PRSS55: variants seen among roughly 807,000 people sequenced by gnomAD.
The protein encoded by PRSS55 is probable serine protease UNQ9391/PRO34284.
In PRSS55, 41 loss-of-function variants were observed where a neutral mutation model predicts 23.6. That is an observed-to-expected ratio of 1.74 (90% confidence interval 1.35 to 2.26). The LOEUF (loss-of-function observed/expected upper bound fraction) is 2.26, where lower values mean the gene tolerates loss of function less well. Among genes scored for constraint, PRSS55 ranks in the 30% most tolerant of loss-of-function variants. The probability of loss-of-function intolerance (pLI) is 0.00; values close to 1 mark genes in which losing one functional copy is unlikely to be tolerated. For missense variants in PRSS55, 669 were observed against 439.1 expected (o/e 1.52, Z -4.68); for synonymous variants, 262 against 175.5 (o/e 1.49, Z -3.90).
At chr8:10,551,537 C>G (rs990646801) in intron 4 of PRSS55, among the ~76,000 whole-genome samples, 1 of 152,154 alleles carries the variant, frequency 6.6e-6, no homozygotes, top group Admixed American at 6.5e-5. Context: ...CCCAGCAGAT[C>G]GAGGACCAGC....
At chr8:10,549,302 C>A (rs989678422) in intron 4 of PRSS55, among the ~76,000 whole-genome samples, 7 of 152,200 alleles carry the variant, frequency 4.6e-5, no homozygotes, top group Admixed American at 3.3e-4. Flanking sequence ...GTAATCCAAT[C>A]CCAGAAACTC....
At chr8:10,545,292 G>A (rs1812788674) in intron 4 of PRSS55, 1 of 151,184 alleles carries the variant, frequency 6.6e-6, no homozygotes, top group Non-Finnish European at 1.5e-5. Context: ...CAACCTCCCA[G>A]GCTCAAGTGA....
At chr8:10,552,303 G>T (rs1812969088) in intron 4 of PRSS55, among the ~76,000 whole-genome samples, 1 of 152,208 alleles carries the variant, frequency 6.6e-6, no homozygotes, top group Non-Finnish European at 1.5e-5. Flanking sequence ...CAAAGCTACG[G>T]ATGGCTGGAG....
chr8:10,544,254 C>G (rs1812752942), intron 4 of PRSS55, among the ~76,000 whole-genome samples: 1 of 152,156 alleles, frequency 6.6e-6, no homozygotes, highest in African/African-American at 2.4e-5. Flanking sequence ...ATCATTGACC[C>G]TTTAGTCATT....
intron 4 of PRSS55, among the ~76,000 whole-genome samples, chr8:10,546,665 C>T (rs1335517244): frequency 1.3e-5 from 2 of 152,088 alleles, no homozygotes; most frequent in African/African-American, 4.8e-5. Flanking sequence ...CCCTCTGCTG[C>T]CTCCTCTTGA....
chr8:10,554,005 G>GTCTC lies in PRSS55; in HGVS notation c.805_808dup (p.His270LeufsTer30). On this transcript the variant is annotated frameshift_variant, in exon 5 of 5. Transcript: ENST00000522210. LOFTEE classifies it high-confidence loss of function. ...GAAGCTCTCAAACAAAGCCGCCTGGGTCTCACACCTTTCATCTGCAAAACT... is the reference window on the plus strand; with the variant it reads ...GAAGCTCTCAAACAAAGCCGCCTGGGTCTCTCTCACACCTTTCATCTGCAAAACT... The GTCTC allele has an allele frequency of 6.5e-7, 1 of 1,530,048 alleles. No individual in the cohort carries two copies. Among genetic ancestry groups the GTCTC allele is most frequent in the Non-Finnish European group, 8.7e-7 (1 of 1,144,090 alleles). 94.8% of individuals were successfully genotyped at this position (1,530,048 alleles called of 1,614,324 possible).
Position 10,529,701 on chromosome 8 carries a change from T to A in PRSS55, c.347+2T>A. 1 of 1,610,780 alleles carries A rather than the reference T, an allele frequency of 6.2e-7. No homozygotes were observed. The highest frequency in any genetic ancestry group is 8.5e-7 in the Non-Finnish European group (1 of 1,177,388). On this transcript the variant is annotated splice_donor_variant, in intron 2 of 4. Transcript: ENST00000328655. LOFTEE classifies it high-confidence loss of function. ...CTGCTTATATTCCGAGGAGCTGTTG[T>A]AAGTACCATGGGCCTCCCACTGCCA... is the stretch of plus-strand genomic sequence containing the variant.
chr8:10,530,143 G>A (rs945668446), intron 2 of PRSS55, among the ~76,000 whole-genome samples: 30 of 152,220 alleles, frequency 2.0e-4, no homozygotes, highest in African/African-American at 2.4e-5. Flanking sequence ...CATTACCAAG[G>A]ACTAACTATG....
At chr8:10,551,513 C>A (rs1409239661) in intron 4 of PRSS55, among the ~76,000 whole-genome samples, 1 of 152,184 alleles carries the variant, frequency 6.6e-6, no homozygotes, top group Non-Finnish European at 1.5e-5. Context: ...GAGGCATGAA[C>A]TGAGGACACA....
At chr8:10,549,730 G>A (rs1283462831) in intron 4 of PRSS55, among the ~76,000 whole-genome samples, 1 of 152,146 alleles carries the variant, frequency 6.6e-6, no homozygotes, top group East Asian at 1.9e-4. Context: ...CCTGACTTTG[G>A]AGAAAGACGG....
chr8:10,530,693 G>C (rs544021360), intron 2 of PRSS55, among the ~76,000 whole-genome samples: 23 of 152,146 alleles, frequency 1.5e-4, no homozygotes, highest in African/African-American at 5.3e-4. Context: ...GAAGTTTGAA[G>C]ACACACACAC....
At chr8:10,540,027 C>G (rs1812600271), downstream of PRSS55, among the ~76,000 whole-genome samples, 1 of 152,142 alleles carries the variant, frequency 6.6e-6, no homozygotes, top group Non-Finnish European at 1.5e-5. Context: ...TCCTCTCTTG[C>G]TCTCTCCTTC....
downstream of PRSS55, among the ~76,000 whole-genome samples, chr8:10,542,529 A>G (rs1050223645): frequency 6.6e-6 from 1 of 151,906 alleles, no homozygotes; most frequent in Non-Finnish European, 1.5e-5. Context: ...GTGAGTTTTT[A>G]CAATAGTTTT....
intron 3 of PRSS55, among the ~76,000 whole-genome samples, chr8:10,532,122 G>C (rs1452898647): frequency 2.0e-5 from 3 of 152,292 alleles, no homozygotes; most frequent in African/African-American, 7.2e-5. Context: ...GAACAGCAAA[G>C]CATTGCGTCA....
chr8:10,533,790 T>G (rs1467170248), intron 4 of PRSS55, among the ~76,000 whole-genome samples: 1 of 152,154 alleles, frequency 6.6e-6, no homozygotes, highest in Non-Finnish European at 1.5e-5. Flanking sequence ...GTCGTTGGTA[T>G]AAAACCACAA....
intron 4 of PRSS55, among the ~76,000 whole-genome samples, chr8:10,548,154 G>T (rs576193391): frequency 6.6e-6 from 1 of 152,224 alleles, no homozygotes; most frequent in Non-Finnish European, 1.5e-5. Flanking sequence ...CTTCCTTAGG[G>T]AGCTGGGGCG....
intron 4 of PRSS55, chr8:10,553,847 T>C: frequency 1.3e-6 from 1 of 751,182 alleles, no homozygotes; most frequent in African/African-American, 1.8e-5. Flanking sequence ...TTAATTGGAG[T>C]AACCATTTCA....
At chr8:10,533,522 A>G (rs1017824347) in intron 4 of PRSS55, among the ~76,000 whole-genome samples, 2 of 152,224 alleles carry the variant, frequency 1.3e-5, no homozygotes, top group African/African-American at 4.8e-5. Flanking sequence ...TGGGTGTTGC[A>G]TGTGGGTTTC....
At chr8:10,527,280 T>C (rs1812061976) in intron 1 of PRSS55, among the ~76,000 whole-genome samples, 1 of 152,218 alleles carries the variant, frequency 6.6e-6, no homozygotes. Flanking sequence ...TGTTTTCAAT[T>C]TGTCATGATG....
Sources: allele counts gnomAD v4.1 joint callset (sites outside exome capture counted in the v4.1 genomes callset), GRCh38; gene constraint gnomAD v4.1.1; transcripts MANE v1.5; gene names NCBI Gene and HGNC (gene_info 2026-07-23, HGNC 2026-07-21).